The following ILDR1 variants were observed in gnomAD, a reference collection of about 807,000 sequenced individuals.
ILDR1 encodes immunoglobulin like domain containing receptor 1.
In ILDR1, 56 loss-of-function variants were observed where a neutral mutation model predicts 62.4. The observed-to-expected ratio is 0.90, with a 90% CI of 0.72 to 1.12. ILDR1 has a LOEUF of 1.12. Ranked by LOEUF, ILDR1 falls within the 50% of genes most tolerant of loss-of-function variation. The pLI, the probability that ILDR1 is intolerant of heterozygous loss-of-function variation, is 0.00. For synonymous variants in ILDR1, 284 were observed against 277.8 expected, an observed-to-expected ratio of 1.02 and a Z score of -0.22; for missense variants, 736 against 710.6, an observed-to-expected ratio of 1.04 and a Z score of -0.41.
At position 121,988,004 on chromosome 3, in the gene ILDR1, C is replaced by T. The variant is rs189041551; in HGVS notation, c.*363G>A. On this transcript the variant is annotated 3_prime_UTR_variant, in exon 8 of 8. Transcript: ENST00000344209. ...CCTGGCTCATTGCAGCCTTGCACTC[C>T]TGGGCTCAAGGGATCCTTCTGCCTC... 80 of 366,660 alleles carry T rather than the reference C, an allele frequency of 2.2e-4. No individual in the cohort carries two copies. Among genetic ancestry groups the T allele is most frequent in the Middle Eastern group, 2.0e-3 (2 of 1,020 alleles). The allele number at this position is 366,660 out of a possible 1,614,324, so 22.7% of individuals were successfully genotyped here. A position where few individuals can be genotyped will look rare whatever the true frequency, so the allele number is the denominator to read the frequency against.
At chr3:121,999,379 A>G (rs1405024478) in intron 5 of ILDR1, among the ~76,000 whole-genome samples, 1 of 152,224 alleles carries the variant, frequency 6.6e-6, no homozygotes, top group African/African-American at 2.4e-5. Flanking sequence ...AAAACCTTCT[A>G]TTTAAAGCAG....
chr3:122,000,565 G>A (rs944694932), intron 5 of ILDR1, among the ~76,000 whole-genome samples: 3 of 152,140 alleles, frequency 2.0e-5, no homozygotes, highest in Admixed American at 6.5e-5. Flanking sequence ...GTAATAAGTG[G>A]GTAAACATAA....
intron 7 of ILDR1, among the ~76,000 whole-genome samples, chr3:121,992,911 G>A (rs533702283): frequency 1.3e-5 from 2 of 152,316 alleles, no homozygotes; most frequent in African/African-American, 4.8e-5. Context: ...GATGACAGCC[G>A]AAGCGACGGT....
intron 6 of ILDR1, 87 bp downstream of exon 6, chr3:121,994,095 C>T (rs1034131896): frequency 3.3e-5 from 50 of 1,507,496 alleles, no homozygotes; most frequent in African/African-American, 1.7e-4. Flanking sequence ...AGATGCCTGC[C>T]GCATCGGTCA....
chr3:122,042,861 A>G, the ILDR1 span, among the ~76,000 whole-genome samples: 2 of 151,934 alleles, frequency 1.3e-5, no homozygotes, highest in African/African-American at 4.8e-5. Flanking sequence ...CCCATTTTGT[A>G]GGTTGCCTGT....
At chr3:121,990,896 G>T (rs187591327) in intron 7 of ILDR1, among the ~76,000 whole-genome samples, 2 of 152,296 alleles carry the variant, frequency 1.3e-5, no homozygotes, top group Admixed American at 1.3e-4. Flanking sequence ...ATAGTTGTGA[G>T]GATTAAATGA....
chr3:122,014,616 T>A (rs957682789), intron 1 of ILDR1, among the ~76,000 whole-genome samples: 11 of 152,240 alleles, frequency 7.2e-5, no homozygotes, highest in African/African-American at 2.7e-4. Context: ...TTTATTCCAG[T>A]AGAATATATA....
chr3:122,050,765 G>C, the ILDR1 span, among the ~76,000 whole-genome samples: 1 of 151,530 alleles, frequency 6.6e-6, no homozygotes, highest in African/African-American at 2.4e-5. Context: ...TTTTTGTATT[G>C]CTGTTTAGTA....
the ILDR1 span, among the ~76,000 whole-genome samples, chr3:122,038,699 T>C: frequency 6.6e-6 from 1 of 152,130 alleles, no homozygotes; most frequent in East Asian, 1.9e-4. Flanking sequence ...TGACATGGAA[T>C]TTAAAATAGC....
At chr3:121,991,160 A>G (rs531769615) in intron 7 of ILDR1, among the ~76,000 whole-genome samples, 1 of 152,158 alleles carries the variant, frequency 6.6e-6, no homozygotes, top group South Asian at 2.1e-4. Flanking sequence ...AGATTGCACC[A>G]CTGCCCTCCA....
chr3:122,037,856 T>C, the ILDR1 span, among the ~76,000 whole-genome samples: 1 of 152,140 alleles, frequency 6.6e-6, no homozygotes, highest in African/African-American at 2.4e-5. Context: ...GATTTCCTCC[T>C]TGTTGTTCTC....
chr3:122,001,527 T>C (rs935460503), intron 4 of ILDR1, 73 bp from the exon 5 acceptor site: 2 of 1,564,974 alleles, frequency 1.3e-6, no homozygotes, highest in Non-Finnish European at 1.8e-6. Flanking sequence ...TCTGATATCC[T>C]AGAGGTCTCA....
chr3:122,029,964 G>A, the ILDR1 span, among the ~76,000 whole-genome samples: 1 of 152,120 alleles, frequency 6.6e-6, no homozygotes, highest in East Asian at 1.9e-4. Flanking sequence ...AAAGGGGAGG[G>A]GAGAAGAATC....
the ILDR1 span, among the ~76,000 whole-genome samples, chr3:122,041,813 G>A: frequency 6.6e-6 from 1 of 150,962 alleles, no homozygotes; most frequent in African/African-American, 2.4e-5. Context: ...TTTTCTGGTG[G>A]AATCTTTAGA....
At chr3:122,003,172 G>A (rs1368745051) in intron 3 of ILDR1, among the ~76,000 whole-genome samples, 1 of 152,160 alleles carries the variant, frequency 6.6e-6, no homozygotes, top group Non-Finnish European at 1.5e-5. Flanking sequence ...CACAGTAAAT[G>A]CCACGGAACC....
Position 121,993,920 on chromosome 3 carries a change from T to G in ILDR1, c.829A>C (p.Asn277His). The change falls in exon 7 of 8, where the codon AAT (asparagine) becomes CAT (histidine). Residue 277 changes from asparagine to histidine, a missense_variant. Transcript: ENST00000344209. ...LPQMPMTQTT[N>H]QPPIANGVLE... ...ACACCATTGGCGATGGGAGGCTGATTGGTGGTCTGGGTCATTGGCATCTGC... is the reference window on the plus strand; with the variant it reads ...ACACCATTGGCGATGGGAGGCTGATGGGTGGTCTGGGTCATTGGCATCTGC... The G allele has an allele frequency of 6.2e-7, 1 of 1,613,524 alleles. No individual in the cohort carries two copies. The highest frequency in any genetic ancestry group is 8.5e-7 in the Non-Finnish European group (1 of 1,180,018).
At chr3:122,060,620 T>C in the ILDR1 span, among the ~76,000 whole-genome samples, 1 of 151,810 alleles carries the variant, frequency 6.6e-6, no homozygotes, top group African/African-American at 2.4e-5. Flanking sequence ...AGACTCCCAT[T>C]CCTAAAAAAA....
intron 1 of ILDR1, among the ~76,000 whole-genome samples, chr3:122,017,446 G>A (rs756483114): frequency 2.6e-5 from 4 of 152,242 alleles, no homozygotes; most frequent in Non-Finnish European, 5.9e-5. Context: ...CAGGTAGACT[G>A]TACACTAATC....
Position 121,993,521 on chromosome 3 carries a change from C to T in ILDR1, c.1228G>A (p.Gly410Arg). The T allele has an allele frequency of 1.9e-6, 3 of 1,614,244 alleles. No individual in the cohort carries two copies. Among genetic ancestry groups the T allele is most frequent in the South Asian group, 2.2e-5 (2 of 91,086 alleles). ...CTGTCTGACCAGTGTATGGGTGACC[C>T]ATTCAGCCTAGAGCTACGGTGCCTT... The part of the protein sequence containing the change: ...SGRHRSSRLN[G>R]SPIHWSDRDS... The change falls in exon 7 of 8, where the codon GGG becomes AGG. Residue 410 changes from glycine (G) to arginine (R), a missense_variant. By Grantham distance (125) the Gly-to-Arg change is moderately radical. Coordinates refer to ENST00000344209, the MANE Select transcript of ILDR1 (RefSeq NM_001199799.2).
Sources: allele counts gnomAD v4.1 joint callset (sites outside exome capture counted in the v4.1 genomes callset), GRCh38; gene constraint gnomAD v4.1.1; transcripts MANE v1.5; gene names NCBI Gene and HGNC (gene_info 2026-07-23, HGNC 2026-07-21).